Variants in C11orf71 observed in about 807,000 individuals in gnomAD.
The protein encoded by C11orf71 is chromosome 11 open reading frame 71.
For missense variants in C11orf71, 179 were observed against 167.6 expected, an observed-to-expected ratio of 1.07 and a Z score of -0.38; for synonymous variants, 72 against 73.4, an observed-to-expected ratio of 0.98 and a Z score of 0.09.
At chr11:114,392,548 A>AAAAGAAG (rs1461395379) in intron 1 of C11orf71, among the ~76,000 whole-genome samples, 52 of 124,864 alleles carry the variant, frequency 4.2e-4, no homozygotes, top group Non-Finnish European at 7.0e-4. Flanking sequence ...AAAAAAAAAA[A>AAAAGAAG]AAGAAGAAGA....
chr11:114,393,150 T>A lies in C11orf71; in HGVS notation c.344-1485A>T, dbSNP rs78747991. On this transcript the variant is annotated intron_variant, in intron 1 of 1. Coordinates refer to the C11orf71 transcript ENST00000325636. ...AAACAGCTCTTACATGCCACACTTA[T>A]AGGGTGGTAAAGTCATTTCAACAAC... Among the ~76,000 whole-genome samples the A allele has an allele frequency of 8.6e-3, 1,310 of 152,334 alleles. 22 individuals are homozygous for A. Among genetic ancestry groups the A allele is most frequent in the African/African-American group, 0.028 (1,174 of 41,566 alleles).
chr11:114,392,483 A>G (rs1178046325), intron 1 of C11orf71, among the ~76,000 whole-genome samples: 4 of 134,264 alleles, frequency 3.0e-5, no homozygotes, highest in East Asian at 2.4e-4. Context: ...GGTTGCAGGG[A>G]GCTGAGATCA....
downstream of C11orf71, among the ~76,000 whole-genome samples, chr11:114,394,282 CTTTTCTCTTA>C (rs1221918709): frequency 3.9e-4 from 27 of 68,716 alleles, 2 homozygotes; most frequent in African/African-American, 1.3e-3. Flanking sequence ...CTTTTCTTTT[CTTTTCTCTTA>C]TTTTCTTTTC....
intron 1 of C11orf71, among the ~76,000 whole-genome samples, chr11:114,392,887 C>T (rs1231985426): frequency 6.6e-6 from 1 of 152,174 alleles, no homozygotes; most frequent in Non-Finnish European, 1.5e-5. Flanking sequence ...ATACTCCCTC[C>T]ACCACTACAT....
Position 114,400,082 on chromosome 11 carries a change from TCCGGCC to T in C11orf71, c.244_249del (p.Gly82_Arg83del), listed in dbSNP as rs1255070774. ...TAAGGTGAGAATCTGGCTTGGCGGCTCCGGCCCCGGCCATCTGGTTCCCTTGGGCTC... is the reference window on the plus strand; with the variant it reads ...TAAGGTGAGAATCTGGCTTGGCGGCTCCGGCCATCTGGTTCCCTTGGGCTC... On this transcript the variant is annotated inframe_deletion, in exon 1 of 1. Coordinates refer to ENST00000623205, the MANE Select transcript of C11orf71 (RefSeq NM_001271562.2). The T allele has an allele frequency of 6.2e-7, 1 of 1,613,872 alleles. No individual in the cohort carries two copies. Among genetic ancestry groups the T allele is most frequent in the Non-Finnish European group, 8.5e-7 (1 of 1,179,896 alleles).
In C11orf71 at chr11:114,398,622, A is replaced by ATAT. The variant is rs1946146327; in HGVS notation, c.*1337_*1338insATA. The ATAT allele has an allele frequency of 6.6e-6, 1 of 152,168 alleles. No homozygotes were observed. Among genetic ancestry groups the ATAT allele is most frequent in the Non-Finnish European group, 1.5e-5 (1 of 68,020 alleles). The allele number at this position is 152,168 out of a possible 1,614,324, so 9.4% of individuals were successfully genotyped here. ...CTCAATAAATATCTCTATAAACAAT[A>ATAT]GAAGTCCTAGCACACTGACTTGCAC... On this transcript the variant is annotated 3_prime_UTR_variant, in exon 1 of 1. Transcript: ENST00000623205.
In C11orf71 at chr11:114,399,331, A is replaced by G. The variant is rs1297732699; in HGVS notation, c.*629T>C. ...AGGAGATTGTACAAGTAATGTTTTC[A>G]CCAGTGTATTTTAGGACAGCAGATT... On this transcript the variant is annotated 3_prime_UTR_variant, in exon 1 of 1. Coordinates refer to ENST00000623205, the MANE Select transcript of C11orf71 (RefSeq NM_001271562.2). 1 of 152,288 alleles carries G rather than the reference A, an allele frequency of 6.6e-6. No homozygotes were observed. Among genetic ancestry groups the G allele is most frequent in the Admixed American group, 6.5e-5 (1 of 15,288 alleles). The allele number at this position is 152,288 out of a possible 1,614,324, so 9.4% of individuals were successfully genotyped here.
rs778682695 is a variant in C11orf71 at position 114,400,083 on chromosome 11, C to T, written c.249G>A (p.Arg83=). Residue 83 remains arginine (R), a synonymous_variant, in exon 1 of 1, where the codon CGG becomes CGA. Transcript: ENST00000623205. ...RSPREPDGRG[R]SRQARFSPYP... is the part of the protein sequence containing the mutation. ...AAGGTGAGAATCTGGCTTGGCGGCT[C>T]CGGCCCCGGCCATCTGGTTCCCTTG... 39 of 1,613,890 alleles carry T rather than the reference C, an allele frequency of 2.4e-5. No individual in the cohort carries two copies. Among genetic ancestry groups the T allele is most frequent in the Non-Finnish European group, 2.5e-6 (3 of 1,179,890 alleles).
chr11:114,399,094 T>A lies in C11orf71; in HGVS notation c.*866A>T, dbSNP rs1318145787. The A allele has an allele frequency of 2.0e-5, 3 of 151,860 alleles. No homozygotes were observed. The highest frequency in any genetic ancestry group is 4.4e-5 in the Non-Finnish European group (3 of 67,990). 9.4% of individuals were successfully genotyped at this position (151,860 alleles called of 1,614,324 possible). A position where few individuals can be genotyped will look rare whatever the true frequency, so the allele number is the denominator to read the frequency against. ...AGTCACTGCAACCAGTACTTATGTT[T>A]ATTACTGTACCTAATAAACAGCCCA... On this transcript the variant is annotated 3_prime_UTR_variant, in exon 1 of 1. Transcript: ENST00000623205.
At chr11:114,396,835 A>C (rs1946134699), downstream of C11orf71, among the ~76,000 whole-genome samples, 1 of 152,086 alleles carries the variant, frequency 6.6e-6, no homozygotes, top group Non-Finnish European at 1.5e-5. Context: ...AGAAAGTTGA[A>C]CCTTACTCTT....
At chr11:114,396,362 T>G (rs1461978802), downstream of C11orf71, among the ~76,000 whole-genome samples, 1 of 152,242 alleles carries the variant, frequency 6.6e-6, no homozygotes, top group African/African-American at 2.4e-5. Context: ...GCTTGTCAAA[T>G]TTATTGGCCT....
In C11orf71 at chr11:114,398,605, A is replaced by G. The variant is rs1946145864; in HGVS notation, c.*1355T>C. The G allele has an allele frequency of 6.6e-6, 1 of 152,176 alleles. No homozygotes were observed. Among genetic ancestry groups the G allele is most frequent in the Non-Finnish European group, 1.5e-5 (1 of 68,018 alleles). 9.4% of individuals were successfully genotyped at this position (152,176 alleles called of 1,614,324 possible). ...CAGGTACAGAGTAAGTTCTCAATAA[A>G]TATCTCTATAAACAATAGAAGTCCT... On this transcript the variant is annotated 3_prime_UTR_variant, in exon 1 of 1. Coordinates refer to ENST00000623205, the MANE Select transcript of C11orf71 (RefSeq NM_001271562.2).
rs761859666 is a variant in C11orf71, at chr11:114,400,101, T to C, written c.231A>G (p.Glu77=). ...GGCGGCTCCGGCCCCGGCCATCTGG[T>C]TCCCTTGGGCTCCGGCCGCCACCAT... ...RVDGGGRSPR[E]PDGRGRSRQA... Residue 77 remains glutamate, a synonymous_variant, in exon 1 of 1, where the codon GAA becomes GAG. Coordinates refer to ENST00000623205, the MANE Select transcript of C11orf71 (RefSeq NM_001271562.2). The C allele has an allele frequency of 1.8e-5, 29 of 1,613,444 alleles. No individual in the cohort carries two copies. The Admixed American group carries it at 4.2e-4, about 23-fold the overall frequency.
rs1591195499 is a variant in C11orf71 at position 114,400,164 on chromosome 11, C to G, written c.168G>C (p.Ala56=). 1 of 1,613,836 alleles carries G rather than the reference C, an allele frequency of 6.2e-7. No individual in the cohort carries two copies. Among genetic ancestry groups the G allele is most frequent in the Non-Finnish European group, 8.5e-7 (1 of 1,179,864 alleles). ...TCTCGGCCCGAACGCTTGGTCGCAC[C>G]GCCTGCCGAGGTCCTAGATGAATCG... ...PEAIHLGPRQ[A]VRPSVRAESR... Residue 56 remains alanine (A), a synonymous_variant, in exon 1 of 1, where the codon GCG becomes GCC. Transcript: ENST00000623205.
chr11:114,391,774 G>C, intron 1 of C11orf71: 1 of 495,002 alleles, frequency 2.0e-6, no homozygotes, highest in Non-Finnish European at 3.7e-6. Flanking sequence ...AACATGTGCT[G>C]ACAAAATTCA....
At chr11:114,394,228 C>CTTTTCTTTCTTTTCTTTTCTTTTCT, downstream of C11orf71, among the ~76,000 whole-genome samples, 163 of 48,528 alleles carry the variant, frequency 3.4e-3, 2 homozygotes, top group Middle Eastern at 0.012. Flanking sequence ...CTTTTCTTTT[C>CTTTTCTTTCTTTTCTTTTCTTTTCT]TTTCTTTTCT....
chr11:114,398,663 A>G lies in C11orf71; in HGVS notation c.*1297T>C, dbSNP rs1173805906. Reference sequence around the variant, plus strand: ...TGACTTGCACATAGCACTCAATAAAAGGTAGCTATTACTATTCTTTCAATC... The same window carrying G: ...TGACTTGCACATAGCACTCAATAAAGGGTAGCTATTACTATTCTTTCAATC... On this transcript the variant is annotated 3_prime_UTR_variant, in exon 1 of 1. Transcript: ENST00000623205. The G allele has an allele frequency of 6.6e-6, 1 of 152,222 alleles. No individual in the cohort carries two copies. Among genetic ancestry groups the G allele is most frequent in the African/African-American group, 2.4e-5 (1 of 41,460 alleles). 9.4% of individuals were successfully genotyped at this position (152,222 alleles called of 1,614,324 possible).
chr11:114,394,228 C>CTTTTCTTTTCTTTCCTTTCCTTTCT, downstream of C11orf71, among the ~76,000 whole-genome samples: 1 of 48,704 alleles, frequency 2.1e-5, no homozygotes, highest in Non-Finnish European at 3.6e-5. Flanking sequence ...CTTTTCTTTT[C>CTTTTCTTTTCTTTCCTTTCCTTTCT]TTTCTTTTCT....
At position 114,400,090 on chromosome 11, in the gene C11orf71, C is replaced by T. The variant is rs769148907; in HGVS notation, c.242G>A (p.Arg81Gln). 2 of 1,613,766 alleles carry T rather than the reference C, an allele frequency of 1.2e-6. No homozygotes were observed. The highest frequency in any genetic ancestry group is 1.7e-5 in the Admixed American group (1 of 60,008). ...GGRSPREPDG[R>Q]GRSRQARFSP... The stretch of plus-strand genomic sequence containing the variant: ...GAATCTGGCTTGGCGGCTCCGGCCC[C>T]GGCCATCTGGTTCCCTTGGGCTCCG... The change falls in exon 1 of 1, where the codon CGG becomes CAG. Residue 81 changes from arginine (R) to glutamine (Q), a missense_variant. Physicochemically the swap from Arg to Gln is conservative, Grantham distance 43. Coordinates refer to ENST00000623205, the MANE Select transcript of C11orf71 (RefSeq NM_001271562.2).
Sources: gnomAD v4.1 joint callset for allele counts (sites outside exome capture counted in the v4.1 genomes callset) on GRCh38, gnomAD v4.1.1 for gene constraint, MANE v1.5 for transcripts, NCBI Gene and HGNC (gene_info 2026-07-23, HGNC 2026-07-21) for gene names.